Variants in MIR2052HG observed in about 807,000 individuals in gnomAD.
MIR2052HG encodes the protein MIR2052 host gene.
intron 4 of MIR2052HG, among the ~76,000 whole-genome samples, chr8:74,751,032 A>C (rs945898623): frequency 6.6e-6 from 1 of 152,210 alleles, no homozygotes; most frequent in Non-Finnish European, 1.5e-5. Context: ...GCACATTCTC[A>C]TTATTCATGG....
intron 2 of MIR2052HG, chr8:74,702,370 C>T (rs956126956): frequency 2.2e-6 from 1 of 452,120 alleles, no homozygotes; most frequent in South Asian, 1.6e-5. Context: ...CACTAGCTTC[C>T]TTTGCCAGCT....
chr8:74,703,514 T>C, intron 3 of MIR2052HG: 1 of 360,504 alleles, frequency 2.8e-6, no homozygotes, highest in South Asian at 2.2e-5. Flanking sequence ...CAGCAGGATT[T>C]AGGGCAATCA....
At chr8:74,757,674 C>T (rs1428611573) in intron 5 of MIR2052HG, 2 of 152,166 alleles carry the variant, frequency 1.3e-5, no homozygotes, top group Admixed American at 6.5e-5. Flanking sequence ...ATCTAATCAA[C>T]ATATTGTAAG....
chr8:74,729,043 A>G (rs1427465867), intron 4 of MIR2052HG, among the ~76,000 whole-genome samples: 1 of 152,232 alleles, frequency 6.6e-6, no homozygotes, highest in Non-Finnish European at 1.5e-5. Context: ...TTTGGATTAA[A>G]GAACTCTAAG....
intron 4 of MIR2052HG, among the ~76,000 whole-genome samples, chr8:74,735,176 A>G (rs57847525): frequency 0.011 from 1,609 of 152,258 alleles, 31 homozygotes; most frequent in African/African-American, 0.036. Context: ...TAATGTTTAT[A>G]ATAAATGTGT....
At chr8:74,613,785 C>T (rs1319340046) in intron 2 of MIR2052HG, among the ~76,000 whole-genome samples, 2 of 152,172 alleles carry the variant, frequency 1.3e-5, no homozygotes, top group African/African-American at 4.8e-5. Flanking sequence ...CCATGCCTGG[C>T]CTGCAGGGAT....
chr8:74,691,121 A>G (rs1809235501), intron 2 of MIR2052HG, among the ~76,000 whole-genome samples: 1 of 152,248 alleles, frequency 6.6e-6, no homozygotes, highest in Admixed American at 6.5e-5. Flanking sequence ...CTAAAACAAA[A>G]GGAGCACAAT....
intron 2 of MIR2052HG, among the ~76,000 whole-genome samples, chr8:74,649,379 T>A (rs1471526696): frequency 6.6e-6 from 1 of 152,096 alleles, no homozygotes; most frequent in African/African-American, 2.4e-5. Context: ...TAAAAAATAA[T>A]GCTCAGAGTT....
chr8:74,725,661 A>G (rs1809626574), intron 4 of MIR2052HG, among the ~76,000 whole-genome samples: 1 of 152,080 alleles, frequency 6.6e-6, no homozygotes, highest in African/African-American at 2.4e-5. Flanking sequence ...CCCACATTTG[A>G]ATTTACTAAT....
chr8:74,639,560 G>T (rs906351005), intron 2 of MIR2052HG, among the ~76,000 whole-genome samples: 2 of 152,120 alleles, frequency 1.3e-5, no homozygotes, highest in Non-Finnish European at 2.9e-5. Flanking sequence ...ACCTAATAAT[G>T]TAGTCCAGGG....
At chr8:74,645,326 C>T (rs1162524316) in intron 2 of MIR2052HG, among the ~76,000 whole-genome samples, 9 of 151,098 alleles carry the variant, frequency 6.0e-5, no homozygotes, top group South Asian at 2.1e-4. Context: ...GCTCTTGTTG[C>T]CTAGGCTGGA....
chr8:74,665,427 A>G (rs978780304), intron 2 of MIR2052HG, among the ~76,000 whole-genome samples: 22 of 152,162 alleles, frequency 1.4e-4, no homozygotes, highest in African/African-American at 5.3e-4. Context: ...TTTGCAAATC[A>G]TAACTCTTTT....
At chr8:74,677,712 A>G (rs1225201943) in intron 2 of MIR2052HG, among the ~76,000 whole-genome samples, 1 of 152,138 alleles carries the variant, frequency 6.6e-6, no homozygotes, top group African/African-American at 2.4e-5. Context: ...TAGGAGCAAC[A>G]TAGTGTGAAT....
chr8:74,640,155 C>A (rs73337272), intron 2 of MIR2052HG, among the ~76,000 whole-genome samples: 1 of 151,946 alleles, frequency 6.6e-6, no homozygotes, highest in Non-Finnish European at 1.5e-5. Flanking sequence ...TCTCTCAATG[C>A]GGAAATAAGG....
At chr8:74,662,841 T>C (rs1209896594) in intron 2 of MIR2052HG, among the ~76,000 whole-genome samples, 1 of 148,786 alleles carries the variant, frequency 6.7e-6, no homozygotes, top group Non-Finnish European at 1.5e-5. Context: ...TACATTTTTC[T>C]CCTAGAAATG....
chr8:74,639,786 A>G (rs1808619560), intron 2 of MIR2052HG, among the ~76,000 whole-genome samples: 4 of 151,926 alleles, frequency 2.6e-5, no homozygotes, highest in Admixed American at 1.3e-4. Context: ...TTATTATTTC[A>G]TTATCTTCAC....
intron 2 of MIR2052HG, among the ~76,000 whole-genome samples, chr8:74,640,295 G>A (rs893148567): frequency 6.6e-5 from 10 of 151,220 alleles, no homozygotes; most frequent in African/African-American, 2.2e-4. Context: ...GTGAAACCCC[G>A]TCTCTACTAA....
intron 2 of MIR2052HG, among the ~76,000 whole-genome samples, chr8:74,658,169 C>A (rs1173458463): frequency 6.6e-6 from 1 of 152,088 alleles, no homozygotes; most frequent in African/African-American, 2.4e-5. Context: ...TCAGTGAGAC[C>A]AATACACAAT....
At chr8:74,727,879 A>G (rs1809652910) in intron 4 of MIR2052HG, among the ~76,000 whole-genome samples, 1 of 150,724 alleles carries the variant, frequency 6.6e-6, no homozygotes, top group Admixed American at 6.6e-5. Context: ...GTACATTTCC[A>G]TGTTGTTCAG....
Sources: gnomAD v4.1 joint callset for allele counts (sites outside exome capture counted in the v4.1 genomes callset) on GRCh38, gnomAD v4.1.1 for gene constraint, MANE v1.5 for transcripts, NCBI Gene and HGNC (gene_info 2026-07-23, HGNC 2026-07-21) for gene names.